Variants in MEI1 observed in about 807,000 individuals in gnomAD.
MEI1 encodes the protein meiosis inhibitor protein 1.
MEI1 carries 103 observed loss-of-function variants against 146.2 expected under a neutral mutation model. The observed-to-expected ratio is 0.70, with a 90% CI of 0.60 to 0.83. MEI1 has a LOEUF of 0.83. MEI1 is among the 40% of genes least tolerant of loss of function. The pLI is 0.00. For missense variants in MEI1, 1,529 were observed against 1,533.0 expected (o/e 1.00, Z 0.04); for synonymous variants, 652 against 628.2 (o/e 1.04, Z -0.57).
chr22:41,752,483 A>T, intron 15 of MEI1, 108 bp from the exon 16 acceptor site: 1 of 1,006,800 alleles, frequency 9.9e-7, no homozygotes, highest in Non-Finnish European at 1.5e-6. Flanking sequence ...TTTTGAACCA[A>T]GTCTGTGTAA....
intron 20 of MEI1, among the ~76,000 whole-genome samples, chr22:41,771,992 G>T (rs1038201370): frequency 1.3e-5 from 2 of 152,112 alleles, no homozygotes; most frequent in Non-Finnish European, 2.9e-5. Context: ...TAATGATGGG[G>T]ATACATTTTT....
chr22:41,739,759 C>T (rs151064465), intron 11 of MEI1, among the ~76,000 whole-genome samples: 1 of 152,126 alleles, frequency 6.6e-6, no homozygotes, highest in East Asian at 1.9e-4. Flanking sequence ...CAGCAGGACA[C>T]TGCTAGAGGG....
rs1477791316 is a variant in MEI1, at chr22:41,795,762, C to G, written c.3694C>G (p.His1232Asp). 6 of 1,613,610 alleles carry G rather than the reference C, an allele frequency of 3.7e-6. No individual in the cohort carries two copies. The highest frequency in any genetic ancestry group is 5.1e-6 in the Non-Finnish European group (6 of 1,179,786). ...CCAGAGCATGGGACACCTGGCTGACCACAGCATGGCCCAGACCCTGCAGGC... is the reference window on the plus strand; with the variant it reads ...CCAGAGCATGGGACACCTGGCTGACGACAGCATGGCCCAGACCCTGCAGGC... ...QLQSMGHLAD[H>D]SMAQTLQASL... is the part of the protein sequence containing the mutation. The change falls in exon 30 of 31, where the codon CAC becomes GAC. Residue 1232 changes from histidine (H) to aspartate (D), a missense_variant. Physicochemically the swap from His to Asp is moderately conservative, Grantham distance 81 (BLOSUM62 -1). This residue lies in a region of MEI1 where 313 missense variants were observed against 337.3 expected (regional missense o/e 0.93). Coordinates refer to ENST00000401548, the MANE Select transcript of MEI1 (RefSeq NM_152513.4). This position sits in a 1 kb window ranked among gnomAD's most constrained non-coding sequence, Gnocchi z 4.2.
chr22:41,711,704 G>A (rs144366362), intron 3 of MEI1, among the ~76,000 whole-genome samples: 31 of 152,144 alleles, frequency 2.0e-4, no homozygotes, highest in Non-Finnish European at 3.2e-4. Context: ...TCCCACAGCA[G>A]CTGCTGAATT....
At chr22:41,764,368 C>T (rs542944865) in intron 19 of MEI1, among the ~76,000 whole-genome samples, 70 of 152,264 alleles carry the variant, frequency 4.6e-4, no homozygotes, top group African/African-American at 1.7e-3. Context: ...GCAATGATCA[C>T]CAGTGGCTGC....
At chr22:41,796,363 T>G (rs1255359295) in intron 30 of MEI1, among the ~76,000 whole-genome samples, 3 of 150,966 alleles carry the variant, frequency 2.0e-5, no homozygotes, top group Non-Finnish European at 4.4e-5. Context: ...TTTTTTTTTT[T>G]TTTTCTATTT....
At chr22:41,730,825 C>G (rs1042093129) in intron 9 of MEI1, among the ~76,000 whole-genome samples, 188 bp downstream of exon 9, 1 of 152,138 alleles carries the variant, frequency 6.6e-6, no homozygotes, top group Admixed American at 6.6e-5. Context: ...CTGCTGTTCG[C>G]TGATTATCGG....
In MEI1 at chr22:41,704,445, G is replaced by A. The variant is rs373804162; in HGVS notation, c.298+991G>A. 5.4e-4 allele frequency among the ~76,000 whole-genome samples: 76 copies of A among 140,766 alleles called. 1 individual carries two copies. In the South Asian group the frequency reaches 0.016, roughly 30 times the overall value. The allele number at this position is 140,766 out of a possible 152,430, so 92.3% of individuals were successfully genotyped here. A position where few individuals can be genotyped will look rare whatever the true frequency, so the allele number is the denominator to read the frequency against. On this transcript the variant is annotated intron_variant, in intron 2 of 30. Coordinates refer to ENST00000401548, the MANE Select transcript of MEI1 (RefSeq NM_152513.4). ...TTTTTTTTTTTTGAGATGGTGTCTC[G>A]CTCTTTCGCCCAGGCCGGAGTCCAG...
At chr22:41,769,474 G>A (rs555227352) in intron 19 of MEI1, among the ~76,000 whole-genome samples, 1 of 93,472 alleles carries the variant, frequency 1.1e-5, no homozygotes, top group African/African-American at 3.0e-5. Context: ...GCATATTAAG[G>A]AATTTTTTTT....
In MEI1 at chr22:41,763,237, G is replaced by A. The variant is rs555419955; in HGVS notation, c.2184G>A (p.Gln728=). ...VQSFLLSLQD[Q]GERPPLVVFK... ...GCTTCCTCCTGTCGCTGCAGGACCAGGGCGAGCGCCCCCCACTGGTGGTCT... is the reference window on the plus strand; with the variant it reads ...GCTTCCTCCTGTCGCTGCAGGACCAAGGCGAGCGCCCCCCACTGGTGGTCT... The change falls in exon 19 of 31, where the codon CAG becomes CAA. Residue 728 remains glutamine (Q), a synonymous_variant. Transcript: ENST00000401548. 6 of 1,613,924 alleles carry A rather than the reference G, an allele frequency of 3.7e-6. No homozygotes were observed. The South Asian group carries it at 5.5e-5, about 15-fold the overall frequency.
intron 18 of MEI1, among the ~76,000 whole-genome samples, chr22:41,762,131 C>G (rs2074531810): frequency 6.6e-6 from 1 of 152,046 alleles, no homozygotes; most frequent in Non-Finnish European, 1.5e-5. Flanking sequence ...GTTTTTAATT[C>G]TTTTTGGGTA....
intron 19 of MEI1, among the ~76,000 whole-genome samples, chr22:41,766,934 A>G (rs1430301749): frequency 1.3e-5 from 2 of 152,130 alleles, no homozygotes; most frequent in African/African-American, 2.4e-5. Flanking sequence ...GGGAGGTGAA[A>G]GAGTTTAGAA....
At chr22:41,773,571 A>G (rs2075295373) in intron 20 of MEI1, among the ~76,000 whole-genome samples, 1 of 151,664 alleles carries the variant, frequency 6.6e-6, no homozygotes, top group Non-Finnish European at 1.5e-5. Flanking sequence ...AAAAAAAAAA[A>G]AAAAAAAAAA....
At position 41,799,394 on chromosome 22, in the gene MEI1, C is replaced by G; in HGVS notation, c.*95C>G. 9.0e-7 allele frequency: 1 copy of G among 1,114,422 alleles called. No individual in the cohort carries two copies. Among genetic ancestry groups the G allele is most frequent in the East Asian group, 2.4e-5 (1 of 41,138 alleles). 69.0% of individuals were successfully genotyped at this position (1,114,422 alleles called of 1,614,324 possible). On this transcript the variant is annotated 3_prime_UTR_variant, in exon 31 of 31. Transcript: ENST00000401548. ...GAAATGGATGACAGCTGAAGCTATT[C>G]ATATGGAGCCATATACTCTATTGTT...
At chr22:41,778,977 G>T (rs755961461) in intron 22 of MEI1, 165 bp downstream of exon 22, 101 of 568,124 alleles carry the variant, frequency 1.8e-4, no homozygotes, top group Non-Finnish European at 2.7e-4. Flanking sequence ...ACCTCTCAGG[G>T]CTTTCTCTGC....
rs1290813150 is a variant in MEI1, at chr22:41,763,299, A to G, written c.2246A>G (p.Asp749Gly). 2.5e-6 allele frequency: 4 copies of G among 1,613,818 alleles called. No individual in the cohort carries two copies. Among genetic ancestry groups the G allele is most frequent in the Admixed American group, 1.7e-5 (1 of 59,992 alleles). ...ATCTATCTGCTTGCAATCTGCCAGGACAAAGACAATACACTACGTGAGGTA... is the reference window on the plus strand; with the variant it reads ...ATCTATCTGCTTGCAATCTGCCAGGGCAAAGACAATACACTACGTGAGGTA... ...ASIYLLAICQ[D>G]KDNTLRETMV... The change falls in exon 19 of 31, where the codon GAC becomes GGC. Residue 749 changes from aspartate to glycine, a missense_variant. Asp to Gly is a moderately conservative substitution (Grantham distance 94). Transcript: ENST00000401548.
At chr22:41,753,448 G>A (rs1316965060) in intron 16 of MEI1, 1 of 156,852 alleles carries the variant, frequency 6.4e-6, no homozygotes, top group Non-Finnish European at 1.4e-5. Flanking sequence ...TCCCACTCTA[G>A]CCTGGACGAC....
intron 19 of MEI1, among the ~76,000 whole-genome samples, chr22:41,766,185 G>C (rs5758461): frequency 0.84 from 125,896 of 150,352 alleles, 53,450 homozygotes; most frequent in African/African-American, 0.96. Context: ...TACGGTTTTT[G>C]TTTTTTGAGA....
intron 30 of MEI1, among the ~76,000 whole-genome samples, chr22:41,798,393 A>G (rs894417197): frequency 6.6e-6 from 1 of 152,060 alleles, no homozygotes; most frequent in Non-Finnish European, 1.5e-5. Flanking sequence ...CCTGGCCAAC[A>G]TGGTGAAACC....
Sources: gnomAD v4.1 joint callset for allele counts (sites outside exome capture counted in the v4.1 genomes callset) on GRCh38, gnomAD v4.1.1 for gene constraint, gnomAD v4.1.1 regional missense constraint, Gnocchi (gnomAD v3.1) non-coding constraint, MANE v1.5 for transcripts, NCBI Gene and HGNC (gene_info 2026-07-23, HGNC 2026-07-21) for gene names.